Variants in SAE1 observed in about 807,000 individuals in gnomAD.
SAE1 encodes the protein SUMO-activating enzyme subunit 1.
Under a neutral mutation model 40.6 loss-of-function variants are expected in SAE1, and 11 were observed. That is an observed-to-expected ratio of 0.27 (90% confidence interval 0.17 to 0.45). SAE1 has a LOEUF of 0.45. SAE1 is among the 20% of genes least tolerant of loss of function. SAE1 has a pLI of 1.00. For missense variants in SAE1, 373 were observed against 427.3 expected (o/e 0.87, Z 1.12); for synonymous variants, 155 against 154.3 (o/e 1.00, Z -0.03).
At chr19:47,147,998 G>A (rs2123202930) in intron 2 of SAE1, among the ~76,000 whole-genome samples, 1 of 152,072 alleles carries the variant, frequency 6.6e-6, no homozygotes, top group South Asian at 2.1e-4. Context: ...CTGACCTCGT[G>A]ATCTGCCTGC....
chr19:47,132,007 T>A (rs1470268450), intron 1 of SAE1, among the ~76,000 whole-genome samples: 1 of 151,712 alleles, frequency 6.6e-6, no homozygotes, highest in Non-Finnish European at 1.5e-5. Context: ...GGACGTCTTT[T>A]GTTTTGTGCA....
At chr19:47,186,406 T>C (rs1228021322) in intron 6 of SAE1, among the ~76,000 whole-genome samples, 2 of 152,184 alleles carry the variant, frequency 1.3e-5, no homozygotes, top group Admixed American at 6.5e-5. Flanking sequence ...TAAACAACAC[T>C]GCAGTGAACA....
Position 47,209,387 on chromosome 19 carries a change from A to G in SAE1, c.*136A>G, listed in dbSNP as rs1306662162. ...CCGATACAAAACATTTCCTGCAACG[A>G]AGGAGGTGGTGCCGACGTGCTGCTT... On this transcript the variant is annotated 3_prime_UTR_variant, in exon 9 of 9. Coordinates refer to ENST00000270225, the MANE Select transcript of SAE1 (RefSeq NM_005500.3). 2 of 1,476,004 alleles carry G rather than the reference A, an allele frequency of 1.4e-6. No homozygotes were observed. Among genetic ancestry groups the G allele is most frequent in the African/African-American group, 1.4e-5 (1 of 71,726 alleles). The allele number at this position is 1,476,004 out of a possible 1,614,324, so 91.4% of individuals were successfully genotyped here. A position where few individuals can be genotyped will look rare whatever the true frequency, so the allele number is the denominator to read the frequency against.
At chr19:47,194,891 C>T (rs192525996) in intron 6 of SAE1, among the ~76,000 whole-genome samples, 32 of 151,670 alleles carry the variant, frequency 2.1e-4, no homozygotes, top group East Asian at 5.8e-4. Context: ...TACAGGCGTG[C>T]GCCACCACGC....
chr19:47,179,248 G>A (rs1450821058), intron 6 of SAE1, among the ~76,000 whole-genome samples: 1 of 151,532 alleles, frequency 6.6e-6, no homozygotes, highest in South Asian at 2.1e-4. Context: ...GCTCACGCCT[G>A]TAATCCTAGC....
At chr19:47,172,858 A>G (rs2058443260) in intron 6 of SAE1, among the ~76,000 whole-genome samples, 1 of 152,004 alleles carries the variant, frequency 6.6e-6, no homozygotes, top group African/African-American at 2.4e-5. Flanking sequence ...TTTTCCATGT[A>G]TATCACCTTC....
At position 47,140,176 on chromosome 19, in the gene SAE1, G is replaced by A. The variant is rs1232897805; in HGVS notation, c.99-3318G>A. 6.0e-5 allele frequency among the ~76,000 whole-genome samples: 9 copies of A among 150,312 alleles called. No homozygotes were observed. In the East Asian group the frequency reaches 7.9e-4, roughly 13 times the overall value. On this transcript the variant is annotated intron_variant, in intron 1 of 8. Coordinates refer to ENST00000270225, the MANE Select transcript of SAE1 (RefSeq NM_005500.3). ...GGATGGAATGCAGTGGCGCCATCTC[G>A]GCTCACTGCAAACTCCACCTCCCGG...
intron 6 of SAE1, among the ~76,000 whole-genome samples, chr19:47,188,412 G>T (rs143438077): frequency 6.6e-6 from 1 of 152,216 alleles, no homozygotes; most frequent in East Asian, 1.9e-4. Context: ...AAAAAACTGT[G>T]CTGGGAGTGA....
chr19:47,152,884 C>G lies in SAE1; in HGVS notation c.385-14C>G, dbSNP rs192209308. On this transcript the variant is annotated splice_polypyrimidine_tract_variant and intron_variant, in intron 3 of 8. Transcript: ENST00000270225. ...TGCAAAACTCAAACCCAGCCAATTTCTTTCTTTCTGCAGGTGTGTCTGACT... is the reference window on the plus strand; with the variant it reads ...TGCAAAACTCAAACCCAGCCAATTTGTTTCTTTCTGCAGGTGTGTCTGACT... 3,838 of 1,609,574 alleles carry G rather than the reference C, an allele frequency of 2.4e-3. 7 individuals are homozygous for G. Among genetic ancestry groups the G allele is most frequent in the Non-Finnish European group, 2.8e-3 (3,352 of 1,178,850 alleles).
chr19:47,155,278 T>C (rs890085314), intron 5 of SAE1, 65 bp downstream of exon 5: 30 of 1,121,980 alleles, frequency 2.7e-5, no homozygotes, highest in African/African-American at 7.8e-5. Flanking sequence ...GCAATGACGA[T>C]TGAAAAGGAT....
chr19:47,164,128 T>C (rs147334192), intron 5 of SAE1, among the ~76,000 whole-genome samples: 1 of 152,146 alleles, frequency 6.6e-6, no homozygotes, highest in African/African-American at 2.4e-5. Context: ...TCAATAAGCA[T>C]TCCCCAAATC....
At chr19:47,172,766 C>CA (rs1947443014) in intron 6 of SAE1, among the ~76,000 whole-genome samples, 1 of 149,128 alleles carries the variant, frequency 6.7e-6, no homozygotes. Context: ...AGTGTACACG[C>CA]CAAAAAAAAA....
chr19:47,149,446 C>T (rs2058274032), intron 2 of SAE1, among the ~76,000 whole-genome samples: 2 of 152,114 alleles, frequency 1.3e-5, no homozygotes, highest in African/African-American at 4.8e-5. Context: ...GCTGGGATTA[C>T]AGGTGTGAGC....
At chr19:47,208,250 GTTTT>G (rs981505288) in intron 8 of SAE1, among the ~76,000 whole-genome samples, 35 of 152,006 alleles carry the variant, frequency 2.3e-4, no homozygotes, top group African/African-American at 8.4e-4. Context: ...GTTTTAAGGT[GTTTT>G]TTTGTTTGTT....
At chr19:47,186,262 T>A (rs957316806) in intron 6 of SAE1, among the ~76,000 whole-genome samples, 8 of 148,550 alleles carry the variant, frequency 5.4e-5, no homozygotes, top group African/African-American at 1.5e-4. Flanking sequence ...AAAAAAAAAA[T>A]AATAAAAGCT....
chr19:47,162,529 A>G (rs1211658068), intron 5 of SAE1, among the ~76,000 whole-genome samples: 2 of 151,938 alleles, frequency 1.3e-5, no homozygotes, highest in Non-Finnish European at 2.9e-5. Context: ...ATGTGTTTTG[A>G]TTATGGTTGT....
At chr19:47,145,039 G>A (rs2058246808) in intron 2 of SAE1, among the ~76,000 whole-genome samples, 1 of 151,728 alleles carries the variant, frequency 6.6e-6, no homozygotes, top group African/African-American at 2.4e-5. Flanking sequence ...TTTAGCTCTT[G>A]TTGCCCAGGC....
intron 8 of SAE1, among the ~76,000 whole-genome samples, chr19:47,204,506 C>G (rs939095866): frequency 7.2e-6 from 1 of 139,610 alleles, no homozygotes; most frequent in Non-Finnish European, 1.5e-5. Context: ...CCGCACCCCC[C>G]CCCTTTTTTT....
At chr19:47,174,377 TA>T (rs2058455202) in intron 6 of SAE1, among the ~76,000 whole-genome samples, 1 of 150,670 alleles carries the variant, frequency 6.6e-6, no homozygotes, top group Non-Finnish European at 1.5e-5. Flanking sequence ...AGGTCAGTAA[TA>T]ATCATACAAT....
Sources: allele counts gnomAD v4.1 joint callset (sites outside exome capture counted in the v4.1 genomes callset), GRCh38; gene constraint gnomAD v4.1.1; transcripts MANE v1.5; gene names NCBI Gene and HGNC (gene_info 2026-07-23, HGNC 2026-07-21).